The following PCDH11X variants were observed in gnomAD, a reference collection of about 807,000 sequenced individuals.
The protein encoded by PCDH11X is protocadherin 11 X-linked, also known as protocadherin-11 X-linked.
PCDH11X carries 18 observed loss-of-function variants against 53.3 expected under a neutral mutation model. The ratio of observed to expected loss-of-function variants is 0.34; its 90% CI spans 0.23 to 0.50. PCDH11X has a LOEUF of 0.50. PCDH11X is among the 20% of genes least tolerant of loss of function. The pLI is 0.98. For missense variants in PCDH11X, 570 were observed against 1,032.4 expected, an observed-to-expected ratio of 0.55 and a Z score of 6.14; for synonymous variants, 279 against 393.3, an observed-to-expected ratio of 0.71 and a Z score of 3.44.
At chrX:91,909,807 C>T (rs1420613458) in intron 6 of PCDH11X, among the ~76,000 whole-genome samples, 1 of 111,154 alleles carries the variant, frequency 9.0e-6, no homozygotes, top group Non-Finnish European at 1.9e-5. Context: ...ATGCGCAAAT[C>T]AAAATTATAT....
intron 6 of PCDH11X, among the ~76,000 whole-genome samples, chrX:92,145,266 A>G (rs2065250360): frequency 1.8e-5 from 2 of 112,065 alleles, no homozygotes; most frequent in Admixed American, 9.5e-5. Context: ...ACTTTCAGAG[A>G]AGTATTGCTG....
chrX:92,308,731 C>T (rs2068882848), intron 8 of PCDH11X, among the ~76,000 whole-genome samples: 1 of 110,860 alleles, frequency 9.0e-6, no homozygotes, highest in African/African-American at 3.3e-5. Context: ...TATTTGCAAA[C>T]CATATATCTC....
At chrX:92,610,550 T>C (rs1277886929) in intron 10 of PCDH11X, among the ~76,000 whole-genome samples, 1 of 110,331 alleles carries the variant, frequency 9.1e-6, no homozygotes, top group Non-Finnish European at 1.9e-5. Context: ...AGGTTGTCTG[T>C]TCACCTGGTT....
At chrX:92,544,663 T>C (rs1204776186) in intron 10 of PCDH11X, among the ~76,000 whole-genome samples, 1 of 111,048 alleles carries the variant, frequency 9.0e-6, no homozygotes, top group African/African-American at 3.3e-5. Context: ...CCCCATCATA[T>C]GGTTTCATTT....
chrX:91,873,870 A>G (rs1939452515), intron 5 of PCDH11X, among the ~76,000 whole-genome samples: 1 of 111,337 alleles, frequency 9.0e-6, no homozygotes, highest in East Asian at 2.8e-4. Flanking sequence ...CAATTTCCCC[A>G]TATAGCTCTT....
intron 5 of PCDH11X, among the ~76,000 whole-genome samples, chrX:91,874,202 C>T (rs1350559923): frequency 9.0e-6 from 1 of 111,034 alleles, no homozygotes; most frequent in African/African-American, 3.3e-5. Context: ...AATATCATTA[C>T]AAAAATTAAA....
intron 6 of PCDH11X, among the ~76,000 whole-genome samples, chrX:92,185,273 G>A (rs5984157): frequency 0.4 from 44,049 of 109,342 alleles, 8,159 homozygotes; most frequent in Non-Finnish European, 0.58. Flanking sequence ...AAATAAATAA[G>A]TAAATAAATA....
At chrX:91,796,211 A>G (rs1337495677) in intron 1 of PCDH11X, among the ~76,000 whole-genome samples, 3 of 111,938 alleles carry the variant, frequency 2.7e-5, no homozygotes, top group Non-Finnish European at 3.8e-5. Context: ...CCAAAATGTA[A>G]AAGATTTTCC....
At chrX:92,254,536 C>T (rs907406133) in intron 7 of PCDH11X, among the ~76,000 whole-genome samples, 4 of 108,501 alleles carry the variant, frequency 3.7e-5, no homozygotes, top group Non-Finnish European at 7.6e-5. Flanking sequence ...TTCCTAGTCT[C>T]GATGGTCTTT....
intron 5 of PCDH11X, among the ~76,000 whole-genome samples, chrX:91,843,951 A>T (rs1237443568): frequency 9.0e-6 from 1 of 111,040 alleles, no homozygotes; most frequent in African/African-American, 3.3e-5. Flanking sequence ...ATCTGTGCCT[A>T]CAATTCCTCT....
At chrX:92,299,675 C>T (rs1011952509) in intron 8 of PCDH11X, among the ~76,000 whole-genome samples, 9 of 110,825 alleles carry the variant, frequency 8.1e-5, no homozygotes, top group East Asian at 2.8e-4. Context: ...TTGAAATTTC[C>T]GATTGTGTTT....
chrX:92,202,977 C>G (rs1023169600), intron 7 of PCDH11X, among the ~76,000 whole-genome samples: 5 of 111,069 alleles, frequency 4.5e-5, no homozygotes, highest in African/African-American at 1.6e-4. Context: ...GAGCTGAGAT[C>G]GCACCACTGC....
At chrX:92,131,648 A>G (rs1389843631) in intron 6 of PCDH11X, among the ~76,000 whole-genome samples, 3 of 111,856 alleles carry the variant, frequency 2.7e-5, no homozygotes, top group African/African-American at 9.7e-5. Context: ...TTAAAGACAT[A>G]AGTGATTAAC....
chrX:91,900,848 G>A (rs945764339), intron 6 of PCDH11X, among the ~76,000 whole-genome samples: 1 of 111,656 alleles, frequency 9.0e-6, no homozygotes, highest in African/African-American at 3.3e-5. Flanking sequence ...ATAAAACCAT[G>A]GGTTTTGTAT....
chrX:91,798,212 A>G (rs1175824870), intron 1 of PCDH11X: 1 of 111,050 alleles, frequency 9.0e-6, no homozygotes, highest in Non-Finnish European at 1.9e-5. Flanking sequence ...AGGGAGATGG[A>G]ATAGGAGCAT....
intron 6 of PCDH11X, among the ~76,000 whole-genome samples, chrX:91,909,533 C>G (rs947002821): frequency 2.7e-5 from 3 of 109,928 alleles, no homozygotes; most frequent in Admixed American, 9.9e-5. Context: ...TTAAAAATGT[C>G]TCCCTGTTAT....
intron 8 of PCDH11X, among the ~76,000 whole-genome samples, chrX:92,346,321 C>T (rs2755392): frequency 2.7e-5 from 3 of 110,949 alleles, no homozygotes; most frequent in South Asian, 7.5e-4. Context: ...GATGGGGATT[C>T]GTGGGTAATT....
At chrX:92,483,759 A>G (rs1024405278) in intron 10 of PCDH11X, among the ~76,000 whole-genome samples, 38 of 106,743 alleles carry the variant, frequency 3.6e-4, no homozygotes, top group Admixed American at 1.0e-3. Context: ...TTATAAAATT[A>G]TGTCCAACAT....
chrX:91,873,461 C>A (rs1420867178), intron 5 of PCDH11X, among the ~76,000 whole-genome samples: 1 of 111,259 alleles, frequency 9.0e-6, no homozygotes, highest in Non-Finnish European at 1.9e-5. Flanking sequence ...GTGACATTAT[C>A]CATTAACTAA....
Sources: allele counts gnomAD v4.1 joint callset (sites outside exome capture counted in the v4.1 genomes callset), GRCh38; gene constraint gnomAD v4.1.1; transcripts MANE v1.5; gene names NCBI Gene and HGNC (gene_info 2026-07-23, HGNC 2026-07-21).